Variants in OSBPL1A observed in about 807,000 individuals in gnomAD.
OSBPL1A encodes oxysterol-binding protein-related protein 1.
OSBPL1A carries 80 observed loss-of-function variants against 137.1 expected under a neutral mutation model. The ratio of observed to expected loss-of-function variants is 0.58; its 90% CI spans 0.49 to 0.70. OSBPL1A has a LOEUF of 0.70. Ranked by LOEUF, OSBPL1A falls within the 30% of genes least tolerant of loss-of-function variation. The probability of loss-of-function intolerance (pLI) is 0.00; values close to 1 mark genes in which losing one functional copy is unlikely to be tolerated. For synonymous variants in OSBPL1A, 365 were observed against 389.7 expected (o/e 0.94, Z 0.75); for missense variants, 970 against 1,129.4 (o/e 0.86, Z 2.02).
At chr18:24,315,049 G>C (rs1000154322) in intron 11 of OSBPL1A, among the ~76,000 whole-genome samples, 1 of 152,120 alleles carries the variant, frequency 6.6e-6, no homozygotes, top group Admixed American at 6.6e-5. Flanking sequence ...ACCCGGATAC[G>C]AAAGAAAAGG....
At chr18:24,382,853 G>A (rs1906697352) in intron 1 of OSBPL1A, among the ~76,000 whole-genome samples, 1 of 151,954 alleles carries the variant, frequency 6.6e-6, no homozygotes. Flanking sequence ...TTTAGCCTGG[G>A]TGAGAGTGAG....
chr18:24,255,097 T>A (rs2089231154), intron 15 of OSBPL1A, among the ~76,000 whole-genome samples: 1 of 152,056 alleles, frequency 6.6e-6, no homozygotes, highest in Admixed American at 6.6e-5. Context: ...TTGGAAAATC[T>A]AGAGGAAATG....
At chr18:24,243,255 A>C (rs2088770211) in intron 15 of OSBPL1A, among the ~76,000 whole-genome samples, 1 of 152,148 alleles carries the variant, frequency 6.6e-6, no homozygotes, top group African/African-American at 2.4e-5. Flanking sequence ...ATAAACAAGG[A>C]CTACAAAATT....
intron 4 of OSBPL1A, 175 bp downstream of exon 4, chr18:24,366,717 G>A: frequency 3.9e-6 from 2 of 516,600 alleles, no homozygotes; most frequent in Non-Finnish European, 6.8e-6. Flanking sequence ...CCTTAGTACT[G>A]GACCTCACTG....
intron 15 of OSBPL1A, among the ~76,000 whole-genome samples, chr18:24,261,489 T>C (rs972134240): frequency 6.6e-6 from 1 of 152,166 alleles, no homozygotes; most frequent in African/African-American, 2.4e-5. Flanking sequence ...AAACCACTCA[T>C]ATATTGACAA....
intron 15 of OSBPL1A, among the ~76,000 whole-genome samples, chr18:24,245,095 G>T (rs1316137061): frequency 2.0e-5 from 3 of 152,016 alleles, no homozygotes; most frequent in South Asian, 2.1e-4. Flanking sequence ...TGAAATATTA[G>T]AATTTTTTTT....
intron 15 of OSBPL1A, among the ~76,000 whole-genome samples, chr18:24,260,397 T>A (rs546173618): frequency 1.3e-5 from 2 of 152,162 alleles, no homozygotes; most frequent in African/African-American, 2.4e-5. Flanking sequence ...AGCCAAAAGG[T>A]AGAAACAGCC....
intron 2 of OSBPL1A, among the ~76,000 whole-genome samples, chr18:24,370,180 C>T (rs577618662): frequency 2.0e-5 from 3 of 152,288 alleles, no homozygotes; most frequent in Non-Finnish European, 2.9e-5. Context: ...GTGACTGCAC[C>T]GCTGCATTCC....
intron 1 of OSBPL1A, among the ~76,000 whole-genome samples, chr18:24,381,821 C>T (rs1359942381): frequency 3.3e-5 from 5 of 151,260 alleles, no homozygotes; most frequent in Admixed American, 1.3e-4. Context: ...ATTAGGCAGG[C>T]GTGGTGGTGG....
intron 17 of OSBPL1A, among the ~76,000 whole-genome samples, chr18:24,215,138 T>C (rs10438983): frequency 0.91 from 139,136 of 152,190 alleles, 63,678 homozygotes; most frequent in East Asian, 0.99. Context: ...TGTTTCCTTT[T>C]GGATTGCTCT....
At chr18:24,362,426 C>G (rs185813341) in intron 4 of OSBPL1A, among the ~76,000 whole-genome samples, 7 of 152,212 alleles carry the variant, frequency 4.6e-5, no homozygotes, top group South Asian at 2.1e-4. Flanking sequence ...AATTTATGAA[C>G]AAATAGACAA....
chr18:24,190,328 C>A (rs1244977918), intron 18 of OSBPL1A, among the ~76,000 whole-genome samples: 1 of 123,462 alleles, frequency 8.1e-6, no homozygotes, highest in East Asian at 2.7e-4. Flanking sequence ...TCCCCATTCA[C>A]AGTTGCCCTC....
intron 14 of OSBPL1A, among the ~76,000 whole-genome samples, chr18:24,285,173 T>C (rs1173719456): frequency 6.6e-6 from 1 of 152,238 alleles, no homozygotes; most frequent in Non-Finnish European, 1.5e-5. Flanking sequence ...GAATGTATGT[T>C]GTCTCTCTGT....
chr18:24,321,830 C>T (rs1250638791), intron 7 of OSBPL1A: 1 of 414,240 alleles, frequency 2.4e-6, no homozygotes, highest in African/African-American at 2.1e-5. Context: ...GGAAGAGATA[C>T]AGAGTGGCCA....
chr18:24,337,976 T>G (rs1301226534), intron 5 of OSBPL1A, among the ~76,000 whole-genome samples: 1 of 151,946 alleles, frequency 6.6e-6, no homozygotes, highest in Admixed American at 6.6e-5. Flanking sequence ...CAACCAGATA[T>G]GGCAAAATGT....
chr18:24,282,964 C>T lies in OSBPL1A; in HGVS notation c.1175-2016G>A, dbSNP rs2588582. On this transcript the variant is annotated intron_variant, in intron 14 of 27. Coordinates refer to ENST00000319481, the MANE Select transcript of OSBPL1A (RefSeq NM_080597.4). Reference sequence around the variant, plus strand: ...TCTCTACAAAAAATTTAAAAATTAGCTGGGCATGGTGGTGTGCACCTGTAG... The same window carrying T: ...TCTCTACAAAAAATTTAAAAATTAGTTGGGCATGGTGGTGTGCACCTGTAG... Among the ~76,000 whole-genome samples, 1,148 of 152,090 alleles carry T rather than the reference C, an allele frequency of 7.5e-3. 20 individuals carry two copies. Among genetic ancestry groups the T allele is most frequent in the African/African-American group, 0.026 (1,091 of 41,492 alleles).
intron 2 of OSBPL1A, among the ~76,000 whole-genome samples, chr18:24,370,438 C>CA (rs1905533663): frequency 6.6e-6 from 1 of 152,200 alleles, no homozygotes; most frequent in Admixed American, 6.5e-5. Flanking sequence ...CTCAGGGGGT[C>CA]AACTGCCTAT....
chr18:24,198,860 G>GT (rs1567939392), intron 17 of OSBPL1A, among the ~76,000 whole-genome samples: 1 of 135,946 alleles, frequency 7.4e-6, no homozygotes, highest in African/African-American at 2.8e-5. Flanking sequence ...GTTTTTTTTT[G>GT]TTGTTTTTTT....
intron 4 of OSBPL1A, among the ~76,000 whole-genome samples, chr18:24,345,430 T>C (rs1420766869): frequency 1.3e-5 from 2 of 152,212 alleles, no homozygotes; most frequent in Non-Finnish European, 2.9e-5. Context: ...CTCACGCCTG[T>C]AATCCCAGCA....
Sources: allele counts gnomAD v4.1 joint callset (sites outside exome capture counted in the v4.1 genomes callset), GRCh38; gene constraint gnomAD v4.1.1; transcripts MANE v1.5; gene names NCBI Gene and HGNC (gene_info 2026-07-23, HGNC 2026-07-21).